Variants in CD2 observed in about 807,000 individuals in gnomAD.
The protein encoded by CD2 is CD2 molecule, also known as T-cell surface antigen CD2.
Under a neutral mutation model 23.2 loss-of-function variants are expected in CD2, and 18 were observed. The ratio of observed to expected loss-of-function variants is 0.77; its 90% CI spans 0.54 to 1.15. CD2 has a LOEUF of 1.15. Ranked by LOEUF, CD2 falls within the 50% of genes most tolerant of loss-of-function variation. The pLI is 0.00. For missense variants in CD2, 424 were observed against 423.1 expected (o/e 1.00, Z -0.02); for synonymous variants, 162 against 151.9 (o/e 1.07, Z -0.49).
chr1:116,756,622 T>C (rs1404026447), intron 2 of CD2, among the ~76,000 whole-genome samples: 2 of 152,134 alleles, frequency 1.3e-5, no homozygotes, highest in Non-Finnish European at 2.9e-5. Flanking sequence ...ACCATTCAAT[T>C]TGTCCATATA....
chr1:116,755,053 AG>A (rs1313433806), intron 2 of CD2, 102 bp downstream of exon 2: 3 of 787,412 alleles, frequency 3.8e-6, no homozygotes, highest in East Asian at 2.6e-5. Context: ...CTCTGCCTCC[AG>A]GGGGGCTATA....
At position 116,760,520 on chromosome 1, in the gene CD2, T is replaced by G; in HGVS notation, c.501T>G (p.Leu167=). The change falls in exon 3 of 5, where the codon CTT becomes CTG. Residue 167 remains leucine, a synonymous_variant. Transcript: ENST00000369478. ...NLYQDGKHLK[L]SQRVITHKWT... ...ATCAAGATGGGAAACATCTAAAACT[T>G]TCTCAGAGGGTCATCACACACAAGT... 1 of 1,614,192 alleles carries G rather than the reference T, an allele frequency of 6.2e-7. No individual in the cohort carries two copies. Among genetic ancestry groups the G allele is most frequent in the Non-Finnish European group, 8.5e-7 (1 of 1,180,028 alleles).
chr1:116,768,279 T>C (rs1652277092), intron 4 of CD2, among the ~76,000 whole-genome samples, 185 bp from the exon 5 acceptor site: 1 of 152,218 alleles, frequency 6.6e-6, no homozygotes. Flanking sequence ...GCTTTCACTC[T>C]ACCTTATGGT....
chr1:116,766,790 G>A (rs964883199), intron 4 of CD2, among the ~76,000 whole-genome samples: 4 of 152,038 alleles, frequency 2.6e-5, no homozygotes, highest in East Asian at 1.9e-4. Context: ...TTCAGCCCGG[G>A]AGATCAAGAA....
chr1:116,757,777 G>A (rs113844893), intron 2 of CD2, among the ~76,000 whole-genome samples: 8,663 of 135,852 alleles, frequency 0.064, 282 homozygotes, highest in Middle Eastern at 0.12. Context: ...AGAGAGAGAG[G>A]CAGACAGAAA....
chr1:116,761,145 C>G (rs1484197894), intron 3 of CD2, among the ~76,000 whole-genome samples: 1 of 152,198 alleles, frequency 6.6e-6, no homozygotes, highest in Non-Finnish European at 1.5e-5. Context: ...CAAGGCAACA[C>G]TCCTGGCACA....
At chr1:116,762,637 G>T (rs765769456) in intron 3 of CD2, among the ~76,000 whole-genome samples, 2 of 152,192 alleles carry the variant, frequency 1.3e-5, no homozygotes, top group Non-Finnish European at 2.9e-5. Flanking sequence ...AATACTAGGA[G>T]GAAGGAACAG....
rs1311001010 is a variant in CD2 at position 116,764,471 on chromosome 1, C to A, written c.614-13C>A. 1 of 1,613,290 alleles carries A rather than the reference C, an allele frequency of 6.2e-7. No homozygotes were observed. Among genetic ancestry groups the A allele is most frequent in the Non-Finnish European group, 8.5e-7 (1 of 1,179,642 alleles). ...GACCCCTCCCAGCCATCCCACTTCT[C>A]TTCCTTTTGCAGAGAAAGGTCTGGA... On this transcript the variant is annotated splice_polypyrimidine_tract_variant and intron_variant, in intron 3 of 4. Transcript: ENST00000369478.
chr1:116,768,575 C>T lies in CD2; in HGVS notation c.848C>T (p.Pro283Leu). 2 of 1,614,128 alleles carry T rather than the reference C, an allele frequency of 1.2e-6. No individual in the cohort carries two copies. Among genetic ancestry groups the T allele is most frequent in the Non-Finnish European group, 1.7e-6 (2 of 1,180,034 alleles). ...PQNPATSQHPPPPPGHRSQAP... is the reference protein window; with the variant it reads ...PQNPATSQHPLPPPGHRSQAP... ...AATCCAGCAACTTCCCAACATCCTC[C>T]TCCACCACCTGGTCATCGTTCCCAG... Residue 283 changes from proline (P) to leucine (L), a missense_variant, in exon 5 of 5, where the codon CCT becomes CTT. By Grantham distance (98) the Pro-to-Leu change is moderately conservative. Transcript: ENST00000369478.
At chr1:116,766,950 A>AGAAG (rs754602730) in intron 4 of CD2, among the ~76,000 whole-genome samples, 3 of 152,314 alleles carry the variant, frequency 2.0e-5, no homozygotes, top group East Asian at 1.9e-4. Context: ...TAGGAGATGA[A>AGAAG]GAAGGACCAC....
Position 116,768,706 on chromosome 1 carries a change from C to T in CD2, c.979C>T (p.Pro327Ser). ...ACAAGTTCACCAGCAGAAAGGCCCG[C>T]CCCTCCCCAGACCTCGAGTTCAGCC... ...GTQVHQQKGP[P>S]LPRPRVQPKP... The change falls in exon 5 of 5, where the codon CCC becomes TCC. Residue 327 changes from proline (P) to serine (S), a missense_variant. Pro to Ser is a moderately conservative substitution (Grantham distance 74). Coordinates refer to ENST00000369478, the MANE Select transcript of CD2 (RefSeq NM_001767.5). 1.9e-6 allele frequency: 3 copies of T among 1,614,174 alleles called. No homozygotes were observed. The highest frequency in any genetic ancestry group is 2.5e-6 in the Non-Finnish European group (3 of 1,180,038).
chr1:116,768,592 C>T lies in CD2; in HGVS notation c.865C>T (p.Arg289Cys), dbSNP rs771222747. The T allele has an allele frequency of 1.3e-4, 204 of 1,613,950 alleles. 1 individual carries two copies. The East Asian group carries it at 4.4e-3, about 35-fold the overall frequency. ...SQHPPPPPGH[R>C]SQAPSHRPPP... Reference sequence around the variant, plus strand: ...ACATCCTCCTCCACCACCTGGTCATCGTTCCCAGGCACCTAGTCATCGTCC... The same window carrying T: ...ACATCCTCCTCCACCACCTGGTCATTGTTCCCAGGCACCTAGTCATCGTCC... Residue 289 changes from arginine to cysteine, a missense_variant, in exon 5 of 5, where the codon CGT becomes TGT. Physicochemically the swap from Arg to Cys is radical, Grantham distance 180. Transcript: ENST00000369478.
At chr1:116,761,569 T>C (rs1392601543) in intron 3 of CD2, among the ~76,000 whole-genome samples, 7 of 152,190 alleles carry the variant, frequency 4.6e-5, no homozygotes. Flanking sequence ...TCGTGGTCTT[T>C]TTGTAACTTA....
At chr1:116,756,478 T>A (rs1362513971) in intron 2 of CD2, among the ~76,000 whole-genome samples, 1 of 152,116 alleles carries the variant, frequency 6.6e-6, no homozygotes, top group Non-Finnish European at 1.5e-5. Context: ...AACAGAGACC[T>A]AGTCAGAAGC....
chr1:116,756,068 C>A (rs913853368), intron 2 of CD2, among the ~76,000 whole-genome samples: 1 of 152,178 alleles, frequency 6.6e-6, no homozygotes, highest in Non-Finnish European at 1.5e-5. Context: ...GGCCTACCAG[C>A]AATCCCAGAT....
intron 1 of CD2, 37 bp from the exon 2 acceptor site, chr1:116,754,594 T>C (rs756556991): frequency 6.2e-7 from 1 of 1,609,450 alleles, no homozygotes; most frequent in East Asian, 2.2e-5. Flanking sequence ...CAGCTTTCCC[T>C]GAAAGTGACT....
chr1:116,759,902 C>T (rs935098960), intron 2 of CD2, among the ~76,000 whole-genome samples: 11 of 152,220 alleles, frequency 7.2e-5, no homozygotes. Context: ...TCCCCAGTCA[C>T]ATGTCAATGT....
chr1:116,755,121 T>A (rs776408644), intron 2 of CD2, 170 bp downstream of exon 2: 24 of 611,566 alleles, frequency 3.9e-5, no homozygotes, highest in Non-Finnish European at 7.0e-5. Context: ...AATGCGGGAA[T>A]GGGATCCACA....
At chr1:116,766,884 A>T (rs1652233362) in intron 4 of CD2, among the ~76,000 whole-genome samples, 1 of 152,034 alleles carries the variant, frequency 6.6e-6, no homozygotes. Flanking sequence ...CAAATAAAAA[A>T]CAAAAATAGT....
Sources: gnomAD v4.1 joint callset for allele counts (sites outside exome capture counted in the v4.1 genomes callset) on GRCh38, gnomAD v4.1.1 for gene constraint, MANE v1.5 for transcripts, NCBI Gene and HGNC (gene_info 2026-07-23, HGNC 2026-07-21) for gene names.